Variants in SLC39A11 observed in about 807,000 individuals in gnomAD.
SLC39A11 encodes the protein solute carrier family 39 member 11.
A neutral mutation model predicts 36.1 loss-of-function variants in SLC39A11; 33 were observed. The observed-to-expected ratio is 0.91, with a 90% CI of 0.69 to 1.22. The LOEUF (loss-of-function observed/expected upper bound fraction) is 1.22, where lower values mean the gene tolerates loss of function less well. Among genes scored for constraint, SLC39A11 ranks in the 50% most tolerant of loss-of-function variants. The probability of loss-of-function intolerance (pLI) is 0.00; values close to 1 mark genes in which losing one functional copy is unlikely to be tolerated. For synonymous variants in SLC39A11, 166 were observed against 170.3 expected (o/e 0.97, Z 0.20); for missense variants, 432 against 430.3 (o/e 1.00, Z -0.03).
intron 5 of SLC39A11, among the ~76,000 whole-genome samples, chr17:72,916,080 G>T (rs141906177): frequency 7.2e-5 from 11 of 152,256 alleles, no homozygotes; most frequent in African/African-American, 2.6e-4. Context: ...GAGAACTTCT[G>T]CTCAATTAAT....
intron 7 of SLC39A11, among the ~76,000 whole-genome samples, chr17:72,725,767 A>C (rs560670777): frequency 4.0e-4 from 61 of 152,202 alleles, no homozygotes; most frequent in African/African-American, 1.4e-3. Flanking sequence ...AACTGAAGAG[A>C]AGGAGCTGCC....
chr17:72,773,525 G>A (rs564110071), intron 6 of SLC39A11, among the ~76,000 whole-genome samples: 4 of 151,994 alleles, frequency 2.6e-5, no homozygotes, highest in South Asian at 2.1e-4. Context: ...TGATTGTGAG[G>A]CCTCCCCAGC....
At chr17:72,718,143 G>C (rs2073487106) in intron 7 of SLC39A11, among the ~76,000 whole-genome samples, 1 of 152,166 alleles carries the variant, frequency 6.6e-6, no homozygotes, top group East Asian at 1.9e-4. Flanking sequence ...GCCAAATGAG[G>C]TTTGATTTTA....
intron 6 of SLC39A11, among the ~76,000 whole-genome samples, chr17:72,813,431 A>G (rs540065728): frequency 6.6e-6 from 1 of 152,384 alleles, no homozygotes; most frequent in East Asian, 1.9e-4. Context: ...AAAGCATAAT[A>G]TTAATTTTCT....
intron 5 of SLC39A11, among the ~76,000 whole-genome samples, chr17:72,851,883 C>G (rs1355747681): frequency 6.6e-6 from 1 of 152,172 alleles, no homozygotes; most frequent in African/African-American, 2.4e-5. Context: ...AATTTAAAAA[C>G]ATTAGAAGAA....
chr17:72,719,636 T>C (rs996758512), intron 7 of SLC39A11, among the ~76,000 whole-genome samples: 3 of 152,108 alleles, frequency 2.0e-5, no homozygotes, highest in Non-Finnish European at 4.4e-5. Context: ...AGAAAAGAAG[T>C]GTGCGTCATC....
chr17:72,911,259 C>A (rs2082975796), intron 5 of SLC39A11, among the ~76,000 whole-genome samples: 1 of 151,874 alleles, frequency 6.6e-6, no homozygotes, highest in Non-Finnish European at 1.5e-5. Context: ...CACACCGGGG[C>A]CTGTTGTGGG....
intron 4 of SLC39A11, among the ~76,000 whole-genome samples, chr17:73,012,541 CT>C (rs2090579819): frequency 1.3e-4 from 19 of 148,020 alleles, no homozygotes; most frequent in African/African-American, 4.5e-4. Context: ...TTTTTTTTTT[CT>C]TTTTTAACTT....
intron 4 of SLC39A11, among the ~76,000 whole-genome samples, chr17:73,021,393 G>A (rs961173781): frequency 6.6e-6 from 1 of 151,780 alleles, no homozygotes; most frequent in African/African-American, 2.4e-5. Context: ...AGGCTGGAGT[G>A]TAGTGGTGCA....
intron 5 of SLC39A11, among the ~76,000 whole-genome samples, chr17:72,867,325 C>T (rs1010777029): frequency 1.5e-4 from 23 of 152,052 alleles, no homozygotes; most frequent in African/African-American, 5.1e-4. Context: ...CATGGTGAAA[C>T]CCCGTCTCTA....
chr17:72,746,424 T>G (rs1407520725), intron 6 of SLC39A11, among the ~76,000 whole-genome samples: 1 of 150,940 alleles, frequency 6.6e-6, no homozygotes, highest in African/African-American at 2.4e-5. Context: ...AAGACCAGCC[T>G]GGGCAACATA....
chr17:72,900,401 TG>T (rs2082331882), intron 5 of SLC39A11, among the ~76,000 whole-genome samples: 2 of 24,162 alleles, frequency 8.3e-5, no homozygotes, highest in African/African-American at 2.0e-3. Flanking sequence ...GCCAGGATTA[TG>T]AGGATGCAGG....
chr17:72,937,940 T>A (rs2084875630), intron 5 of SLC39A11, among the ~76,000 whole-genome samples: 1 of 152,158 alleles, frequency 6.6e-6, no homozygotes, highest in South Asian at 2.1e-4. Context: ...AACAAGCTCA[T>A]GGTGAGTTTG....
At chr17:72,889,961 G>A (rs1373381164) in intron 5 of SLC39A11, among the ~76,000 whole-genome samples, 2 of 151,910 alleles carry the variant, frequency 1.3e-5, no homozygotes, top group Admixed American at 1.3e-4. Flanking sequence ...GTGAGAGATG[G>A]CACAAAACCA....
intron 4 of SLC39A11, among the ~76,000 whole-genome samples, chr17:72,991,468 C>T (rs1449709363): frequency 6.6e-6 from 1 of 152,118 alleles, no homozygotes; most frequent in Non-Finnish European, 1.5e-5. Flanking sequence ...AGCAATTCTC[C>T]TGCCTCAGCC....
chr17:72,729,490 G>A lies in SLC39A11; in HGVS notation c.671+7160C>T, dbSNP rs191022228. Among the ~76,000 whole-genome samples the A allele has an allele frequency of 2.3e-3, 174 of 75,060 alleles. 1 individual carries two copies. Among genetic ancestry groups the A allele is most frequent in the Non-Finnish European group, 3.2e-3 (111 of 35,130 alleles). The allele number at this position is 75,060 out of a possible 152,430, so 49.2% of individuals were successfully genotyped here. A position where few individuals can be genotyped will look rare whatever the true frequency, so the allele number is the denominator to read the frequency against. On this transcript the variant is annotated intron_variant, in intron 7 of 9. Transcript: ENST00000255559. ...TTTTTTTTTTTTTTGTAGAGACAGG[G>A]TTTCATCATGTTGCCCAGGCTGGTC...
At chr17:72,771,115 C>T (rs560652319) in intron 6 of SLC39A11, among the ~76,000 whole-genome samples, 21 of 151,192 alleles carry the variant, frequency 1.4e-4, no homozygotes, top group East Asian at 5.8e-4. Context: ...CCAGGTGCAG[C>T]GGCTCACGCC....
chr17:72,940,189 C>T (rs1332431893), intron 5 of SLC39A11, among the ~76,000 whole-genome samples: 1 of 152,160 alleles, frequency 6.6e-6, no homozygotes, highest in Non-Finnish European at 1.5e-5. Context: ...AGCGGTCATC[C>T]CTTTAACGGT....
intron 6 of SLC39A11, among the ~76,000 whole-genome samples, chr17:72,809,128 C>T (rs897951715): frequency 8.5e-5 from 13 of 152,140 alleles, no homozygotes; most frequent in African/African-American, 3.1e-4. Flanking sequence ...GTCTTTTCCT[C>T]TCTTCCCCGG....
Sources: allele counts gnomAD v4.1 joint callset (sites outside exome capture counted in the v4.1 genomes callset), GRCh38; gene constraint gnomAD v4.1.1; transcripts MANE v1.5; gene names NCBI Gene and HGNC (gene_info 2026-07-23, HGNC 2026-07-21).